DISC1: variants seen among roughly 807,000 people sequenced by gnomAD.
The protein encoded by DISC1 is DISC1 scaffold protein.
Under a neutral mutation model 84.5 loss-of-function variants are expected in DISC1, and 57 were observed. The observed-to-expected ratio is 0.67, with a 90% CI of 0.55 to 0.84. The LOEUF (loss-of-function observed/expected upper bound fraction) is 0.84. Among genes scored for constraint, DISC1 ranks in the 40% least tolerant of loss-of-function variants. The probability of loss-of-function intolerance (pLI) is 0.00; values close to 1 mark genes in which losing one functional copy is unlikely to be tolerated. For missense variants in DISC1, 1,000 were observed against 1,057.8 expected, an observed-to-expected ratio of 0.95 and a Z score of 0.76; for synonymous variants, 411 against 415.2, an observed-to-expected ratio of 0.99 and a Z score of 0.12.
intron 9 of DISC1, among the ~76,000 whole-genome samples, chr1:231,920,447 A>T (rs1375874596): frequency 6.6e-6 from 1 of 152,016 alleles, no homozygotes; most frequent in Non-Finnish European, 1.5e-5. Context: ...GCCCCTGGCA[A>T]CCTCCGTTCT....
At chr1:231,690,095 C>A (rs1280668184) in intron 1 of DISC1, among the ~76,000 whole-genome samples, 1 of 152,152 alleles carries the variant, frequency 6.6e-6, no homozygotes, top group Admixed American at 6.5e-5. Context: ...TATTTCCAGG[C>A]ATCCTATTTG....
At chr1:231,885,263 G>C (rs894667772) in intron 9 of DISC1, among the ~76,000 whole-genome samples, 1 of 152,164 alleles carries the variant, frequency 6.6e-6, no homozygotes, top group South Asian at 2.1e-4. Context: ...ATCTGATAAG[G>C]TTGTTTGCCC....
At chr1:231,982,051 A>G (rs1663682063) in intron 10 of DISC1, among the ~76,000 whole-genome samples, 1 of 152,212 alleles carries the variant, frequency 6.6e-6, no homozygotes, top group African/African-American at 2.4e-5. Context: ...GAGACCAGAA[A>G]GGAACCTATT....
At position 231,675,122 on chromosome 1, in the gene DISC1, A is replaced by G. The variant is rs16854754; in HGVS notation, c.68-18704A>G. On this transcript the variant is annotated intron_variant, in intron 1 of 12. Transcript: ENST00000439617. This position sits in a 1 kb window ranked among gnomAD's most constrained non-coding sequence, Gnocchi z 4.1. ...ATCTCTTTAAAAGATGTTATTGATAATGAAAAGCTGAGACCCTTGATACTC... is the reference window on the plus strand; with the variant it reads ...ATCTCTTTAAAAGATGTTATTGATAGTGAAAAGCTGAGACCCTTGATACTC... Among the ~76,000 whole-genome samples the G allele has an allele frequency of 3.4e-3, 512 of 152,338 alleles. 7 individuals are homozygous for G. The highest frequency in any genetic ancestry group is 0.012 in the African/African-American group (491 of 41,580).
chr1:231,862,331 C>T (rs997623025), intron 9 of DISC1, among the ~76,000 whole-genome samples: 2 of 152,154 alleles, frequency 1.3e-5, no homozygotes, highest in African/African-American at 4.8e-5. Context: ...TCACTCATGG[C>T]AACTGTTTCC....
At chr1:231,723,311 T>C in intron 3 of DISC1, 2 of 986,014 alleles carry the variant, frequency 2.0e-6, no homozygotes, top group African/African-American at 1.7e-5. Context: ...GGGTCAACCA[T>C]AACTGCAGGC....
chr1:231,902,611 C>A (rs1327718181), intron 9 of DISC1, among the ~76,000 whole-genome samples: 4 of 151,152 alleles, frequency 2.6e-5, no homozygotes, highest in Non-Finnish European at 4.4e-5. Flanking sequence ...AAAAAAAAAA[C>A]AAAACTCATT....
chr1:231,986,437 A>G (rs1294693704), intron 10 of DISC1, among the ~76,000 whole-genome samples: 1 of 152,126 alleles, frequency 6.6e-6, no homozygotes, highest in Non-Finnish European at 1.5e-5. Context: ...TTTTATGACA[A>G]ATGTTACTTC....
chr1:231,678,618 G>A (rs1448540828), intron 1 of DISC1, among the ~76,000 whole-genome samples: 1 of 152,140 alleles, frequency 6.6e-6, no homozygotes, highest in Non-Finnish European at 1.5e-5. Flanking sequence ...TAGGCTTAAG[G>A]CCAGTCTAAA....
chr1:231,813,859 G>C (rs2080596937), intron 8 of DISC1, among the ~76,000 whole-genome samples: 1 of 152,016 alleles, frequency 6.6e-6, no homozygotes, highest in Admixed American at 6.6e-5. Flanking sequence ...CCTAGTATTT[G>C]TTTTTTCTTT....
At chr1:231,898,708 G>A in intron 9 of DISC1, among the ~76,000 whole-genome samples, 1 of 152,158 alleles carries the variant, frequency 6.6e-6, no homozygotes, top group Non-Finnish European at 1.5e-5. Context: ...GAGGCAGGTG[G>A]AACACTTGAG....
At chr1:232,005,056 C>CCTTT (rs1558828333) in intron 10 of DISC1, among the ~76,000 whole-genome samples, 1 of 139,136 alleles carries the variant, frequency 7.2e-6, no homozygotes, top group Non-Finnish European at 1.6e-5. Flanking sequence ...TTCCTTCCTT[C>CCTTT]CTTCCCTCTC....
intron 6 of DISC1, among the ~76,000 whole-genome samples, chr1:231,793,603 C>T (rs1343737479): frequency 6.6e-6 from 1 of 152,160 alleles, no homozygotes; most frequent in Non-Finnish European, 1.5e-5. Flanking sequence ...GCTGAAGAGG[C>T]CTGTCTGGTT....
intron 11 of DISC1, among the ~76,000 whole-genome samples, chr1:232,011,465 G>GC (rs1558835309): frequency 6.6e-6 from 1 of 152,070 alleles, no homozygotes. Context: ...TTCCTGTATC[G>GC]CAGTGCTGGA....
At chr1:231,960,536 A>G (rs1660248542) in intron 10 of DISC1, among the ~76,000 whole-genome samples, 1 of 152,118 alleles carries the variant, frequency 6.6e-6, no homozygotes, top group Non-Finnish European at 1.5e-5. Flanking sequence ...ACGGGTGTGC[A>G]CCATCGTGCC....
At chr1:231,751,761 G>T (rs2074622686) in intron 4 of DISC1, among the ~76,000 whole-genome samples, 1 of 152,132 alleles carries the variant, frequency 6.6e-6, no homozygotes, top group South Asian at 2.1e-4. Flanking sequence ...TCATAGTATA[G>T]TGTCTTCAAT....
At chr1:231,886,048 G>T (rs1253816730) in intron 9 of DISC1, among the ~76,000 whole-genome samples, 1 of 152,150 alleles carries the variant, frequency 6.6e-6, no homozygotes, top group Non-Finnish European at 1.5e-5. Flanking sequence ...GGCAGAGAGG[G>T]CAAGAGAAAG....
chr1:231,759,363 A>T (rs1306636711), intron 4 of DISC1, among the ~76,000 whole-genome samples: 2 of 152,120 alleles, frequency 1.3e-5, no homozygotes, highest in East Asian at 3.9e-4. Context: ...TACCCAGGAT[A>T]TAAAATGAGA....
chr1:231,733,549 G>A (rs1185835576), intron 3 of DISC1, among the ~76,000 whole-genome samples: 1 of 148,234 alleles, frequency 6.7e-6, no homozygotes, highest in Non-Finnish European at 1.5e-5. Flanking sequence ...GATGGTAGGA[G>A]TGGTAGTGGC....
Sources: allele counts gnomAD v4.1 joint callset (sites outside exome capture counted in the v4.1 genomes callset), GRCh38; gene constraint gnomAD v4.1.1; non-coding constraint Gnocchi (gnomAD v3.1); transcripts MANE v1.5; gene names NCBI Gene and HGNC (gene_info 2026-07-23, HGNC 2026-07-21).